Variants in NOTCH2 observed in about 807,000 individuals in gnomAD.
NOTCH2 encodes the protein notch receptor 2.
A neutral mutation model predicts 235.8 loss-of-function variants in NOTCH2; 29 were observed. That is an observed-to-expected ratio of 0.12 (90% CI 0.09 to 0.17). NOTCH2 has a LOEUF of 0.17. NOTCH2 is among the 10% of genes least tolerant of loss of function. The pLI is 1.00. For missense variants in NOTCH2, 2,285 were observed against 3,150.2 expected, an observed-to-expected ratio of 0.73 and a Z score of 6.57; for synonymous variants, 1,086 against 1,141.5, an observed-to-expected ratio of 0.95 and a Z score of 0.98.
intron 28 of NOTCH2, 145 bp downstream of exon 28, chr1:119,922,091 C>T: frequency 1.1e-6 from 1 of 951,402 alleles, no homozygotes; most frequent in Non-Finnish European, 1.6e-6. Flanking sequence ...ACTGTGGTTT[C>T]AGTCACTCAC....
chr1:120,048,321 G>A (rs1464705058), intron 1 of NOTCH2, among the ~76,000 whole-genome samples: 1 of 138,114 alleles, frequency 7.2e-6, no homozygotes, highest in East Asian at 2.0e-4. Flanking sequence ...CCCCCAAAGT[G>A]CTGTTGGAGA....
chr1:119,999,968 A>AAGG (rs1557840237), intron 3 of NOTCH2, among the ~76,000 whole-genome samples: 39 of 101,398 alleles, frequency 3.8e-4, no homozygotes, highest in Middle Eastern at 4.5e-3. Flanking sequence ...AGAAAGAAAG[A>AAGG]AAGAAAGAAA....
At position 119,947,355 on chromosome 1, in the gene NOTCH2, T is replaced by A. The variant is rs587713355; in HGVS notation, c.2752+1059A>T. Among the ~76,000 whole-genome samples the A allele has an allele frequency of 4.3e-4, 66 of 152,214 alleles. 2 individuals carry two copies. In the South Asian group the frequency reaches 0.013, roughly 31 times the overall value. On this transcript the variant is annotated intron_variant, in intron 17 of 33. Transcript: ENST00000256646. ...CTAATTATTTCAAATGGGCAAAAAA[T>A]TTAAATAGACATTTCACCAACGAAG... is the stretch of plus-strand genomic sequence containing the variant.
chr1:119,982,913 T>C (rs1651866648), intron 5 of NOTCH2, among the ~76,000 whole-genome samples: 2 of 152,192 alleles, frequency 1.3e-5, no homozygotes, highest in Admixed American at 1.3e-4. Context: ...CATCTATTCC[T>C]CTACTTCAGG....
intron 17 of NOTCH2, among the ~76,000 whole-genome samples, chr1:119,942,873 C>CTTTTTTT (rs587671333): frequency 7.8e-6 from 1 of 128,800 alleles, no homozygotes; most frequent in Non-Finnish European, 1.6e-5. Context: ...GTCCATATGT[C>CTTTTTTT]TTTTTTTTTT....
In NOTCH2 at chr1:119,960,907, C is replaced by T. The variant is rs587597702; in HGVS notation, c.1916-1405G>A. On this transcript the variant is annotated intron_variant, in intron 11 of 33. Transcript: ENST00000256646. ...TCTCAAACTCCCAGGCGCAAGCAAT[C>T]GTCCCACCTCGGCCTCCCAAAATGT... Among the ~76,000 whole-genome samples the T allele has an allele frequency of 1.1e-4, 17 of 152,256 alleles. No individual in the cohort carries two copies. In the East Asian group the frequency reaches 1.5e-3, roughly 14 times the overall value.
At chr1:119,982,649 G>A (rs1261336655) in intron 5 of NOTCH2, among the ~76,000 whole-genome samples, 1 of 152,136 alleles carries the variant, frequency 6.6e-6, no homozygotes, top group Non-Finnish European at 1.5e-5. Flanking sequence ...CCAACCATCA[G>A]GTCTACTTCT....
At chr1:120,051,228 A>AC (rs1654975508) in intron 1 of NOTCH2, among the ~76,000 whole-genome samples, 1 of 80,506 alleles carries the variant, frequency 1.2e-5, no homozygotes, top group Non-Finnish European at 2.1e-5. Flanking sequence ...TCCTCCTCCC[A>AC]ACACACACAC....
At position 119,912,186 on chromosome 1, in the gene NOTCH2, T is replaced by C. The variant is rs1648917716; in HGVS notation, c.*3120A>G. ...TCCTTACTACGTTTAGTCAGGAATA[T>C]GCGGTCATTTTATTGGTTACTGGGT... On this transcript the variant is annotated 3_prime_UTR_variant, in exon 34 of 34. Coordinates refer to ENST00000256646, the MANE Select transcript of NOTCH2 (RefSeq NM_024408.4). 1 of 233,386 alleles carries C rather than the reference T, an allele frequency of 4.3e-6. No homozygotes were observed. Among genetic ancestry groups the C allele is most frequent in the African/African-American group, 2.2e-5 (1 of 45,348 alleles). The allele number at this position is 233,386 out of a possible 1,614,324, so 14.5% of individuals were successfully genotyped here. A position where few individuals can be genotyped will look rare whatever the true frequency, so the allele number is the denominator to read the frequency against.
chr1:120,043,343 G>A (rs1253443580), intron 1 of NOTCH2, among the ~76,000 whole-genome samples: 1 of 151,814 alleles, frequency 6.6e-6, no homozygotes, highest in African/African-American at 2.4e-5. Context: ...TATGAGGCAT[G>A]TAAATTGGTA....
At position 119,953,686 on chromosome 1, in the gene NOTCH2, T is replaced by C; in HGVS notation, c.2222A>G (p.Tyr741Cys). The C allele has an allele frequency of 6.2e-7, 1 of 1,614,110 alleles. No individual in the cohort carries two copies. Among genetic ancestry groups the C allele is most frequent in the Non-Finnish European group, 8.5e-7 (1 of 1,179,964 alleles). ...HGNCTGGLSG[Y>C]KCLCDAGWVG... ...CCAGCCTGCATCACAGAGACACTTA[T>C]ATCTGAAAGAAGACAAAACTTTTTA... The change falls in exon 14 of 34, where the codon TAT (tyrosine) becomes TGT (cysteine). Residue 741 changes from tyrosine (Y) to cysteine (C), a missense_variant and splice_region_variant. By Grantham distance (194) the Tyr-to-Cys change is radical. Transcript: ENST00000256646.
Position 119,948,482 on chromosome 1 carries a change from T to C in NOTCH2, c.2684A>G (p.Tyr895Cys). 6.2e-7 allele frequency: 1 copy of C among 1,614,160 alleles called. No homozygotes were observed. The highest frequency in any genetic ancestry group is 8.5e-7 in the Non-Finnish European group (1 of 1,180,032). ...GAAGCCTGGTGGACATTCACACATG[T>C]AGCTGCCCTGGGTGTTATGGCAGAG... ...HGLCHNTQGSYMCECPPGFSG... is the reference protein window; with the variant it reads ...HGLCHNTQGSCMCECPPGFSG... Residue 895 changes from tyrosine to cysteine, a missense_variant, in exon 17 of 34, where the codon TAC (tyrosine) becomes TGC (cysteine). Tyr to Cys is a radical substitution (Grantham distance 194). Transcript: ENST00000256646.
At chr1:119,973,108 G>A (rs1553200564) in intron 5 of NOTCH2, among the ~76,000 whole-genome samples, 1 of 152,198 alleles carries the variant, frequency 6.6e-6, no homozygotes, top group Non-Finnish European at 1.5e-5. Flanking sequence ...GTGCTTGTTA[G>A]GGACAGGAAA....
chr1:119,957,076 A>G (rs1183749992), intron 12 of NOTCH2, among the ~76,000 whole-genome samples: 1 of 152,226 alleles, frequency 6.6e-6, no homozygotes, highest in Admixed American at 6.5e-5. Context: ...CAAAAGCGCT[A>G]TATTTGAGTC....
At chr1:119,964,423 C>G (rs587600657) in intron 10 of NOTCH2, among the ~76,000 whole-genome samples, 2 of 152,128 alleles carry the variant, frequency 1.3e-5, no homozygotes, top group Admixed American at 1.3e-4. Context: ...AGTCCTCCCC[C>G]CACTTTTAAA....
At chr1:120,034,076 C>CT (rs1444388731) in intron 1 of NOTCH2, among the ~76,000 whole-genome samples, 1 of 147,972 alleles carries the variant, frequency 6.8e-6, no homozygotes, top group African/African-American at 2.5e-5. Flanking sequence ...ATTCAATTTA[C>CT]TTTTTTCCAA....
At position 119,925,538 on chromosome 1, in the gene NOTCH2, C is replaced by T. The variant is rs773016822; in HGVS notation, c.4278G>A (p.Leu1426=). ...GAGCTTTGTCGGCACAATACTGGCT[C>T]AGACAGGTGGCAGGAGGGGTGCTGG... The part of the protein sequence containing the change: ...APPSTPPATC[L]SQYCADKARD... Residue 1426 remains leucine (L), a synonymous_variant, in exon 25 of 34, where the codon CTG becomes CTA. Coordinates refer to ENST00000256646, the MANE Select transcript of NOTCH2 (RefSeq NM_024408.4). 6 of 1,614,142 alleles carry T rather than the reference C, an allele frequency of 3.7e-6. No individual in the cohort carries two copies. The Admixed American group carries it at 5.0e-5, about 13-fold the overall frequency.
intron 22 of NOTCH2, among the ~76,000 whole-genome samples, chr1:119,933,325 GT>G (rs1553195387): frequency 6.6e-6 from 1 of 152,202 alleles, no homozygotes; most frequent in Non-Finnish European, 1.5e-5. Flanking sequence ...TAACAATGGG[GT>G]TATGGGACTT....
Position 120,005,420 on chromosome 1 carries a change from T to C in NOTCH2, c.324A>G (p.Pro108=). 1.2e-6 allele frequency: 2 copies of C among 1,613,998 alleles called. No homozygotes were observed. Among genetic ancestry groups the C allele is most frequent in the African/African-American group, 1.3e-5 (1 of 75,054 alleles). The change falls in exon 3 of 34, where the codon CCA becomes CCG. Residue 108 remains proline (P), a synonymous_variant. Coordinates refer to ENST00000256646, the MANE Select transcript of NOTCH2 (RefSeq NM_024408.4). The part of the protein sequence containing the change: ...GEDCQYSTSH[P]CFVSRPCLNG... ...TCAGGCAGGGTCGAGACACAAAGCATGGATGAGATGTTGAGTACTGGCAGT... is the reference window on the plus strand; with the variant it reads ...TCAGGCAGGGTCGAGACACAAAGCACGGATGAGATGTTGAGTACTGGCAGT...
Sources: allele counts gnomAD v4.1 joint callset (sites outside exome capture counted in the v4.1 genomes callset), GRCh38; gene constraint gnomAD v4.1.1; transcripts MANE v1.5; gene names NCBI Gene and HGNC (gene_info 2026-07-23, HGNC 2026-07-21).